The following MED12L variants were observed in gnomAD, a reference collection of about 807,000 sequenced individuals.
MED12L encodes mediator of RNA polymerase II transcription subunit 12-like protein.
A neutral mutation model predicts 281.3 loss-of-function variants in MED12L; 60 were observed. The observed-to-expected ratio is 0.21, with a 90% CI of 0.17 to 0.26. The LOEUF (loss-of-function observed/expected upper bound fraction) is 0.26. Among genes scored for constraint, MED12L ranks in the 10% least tolerant of loss-of-function variants. The probability of loss-of-function intolerance (pLI) is 1.00; values close to 1 mark genes in which losing one functional copy is unlikely to be tolerated. For missense variants in MED12L, 2,146 were observed against 2,680.9 expected (o/e 0.80, Z 4.41); for synonymous variants, 974 against 987.2 (o/e 0.99, Z 0.25).
intron 16 of MED12L, among the ~76,000 whole-genome samples, chr3:151,306,421 T>C (rs1366242734): frequency 6.6e-6 from 1 of 152,238 alleles, no homozygotes; most frequent in African/African-American, 2.4e-5. Flanking sequence ...GTTATAAAAC[T>C]GCTTTCGGTG....
At chr3:151,119,538 C>T (rs1369473741) in intron 3 of MED12L, among the ~76,000 whole-genome samples, 1 of 152,174 alleles carries the variant, frequency 6.6e-6, no homozygotes, top group Non-Finnish European at 1.5e-5. Flanking sequence ...CCTTATTTAA[C>T]ATTAATTACC....
chr3:151,409,254 G>A lies in MED12L; in HGVS notation c.5832G>A (p.Gly1944=). 1 of 1,599,470 alleles carries A rather than the reference G, an allele frequency of 6.3e-7. No individual in the cohort carries two copies. Among genetic ancestry groups the A allele is most frequent in the Admixed American group, 1.8e-5 (1 of 55,870 alleles). The change falls in exon 40 of 45, where the codon GGG becomes GGA. Residue 1944 remains glycine, a synonymous_variant. Transcript: ENST00000687756. ...QTRPFQQGQP[G]DQAALFAAQA... ...GCTTTGTTTTCCAGGGCCAGCCGGG[G>A]GACCAGGCTGCTCTCTTTGCTGCGC...
At chr3:151,274,674 C>T (rs1396689613) in intron 16 of MED12L, among the ~76,000 whole-genome samples, 1 of 152,150 alleles carries the variant, frequency 6.6e-6, no homozygotes, top group Non-Finnish European at 1.5e-5. Flanking sequence ...AGATTAGAAT[C>T]GTCTCCAAAT....
intron 16 of MED12L, among the ~76,000 whole-genome samples, chr3:151,237,153 C>G (rs1383734163): frequency 6.6e-6 from 1 of 150,674 alleles, no homozygotes; most frequent in African/African-American, 2.4e-5. Flanking sequence ...GCGATTCTGC[C>G]TCAGCCTCCA....
chr3:151,134,111 G>C (rs1447689504), intron 5 of MED12L, among the ~76,000 whole-genome samples: 1 of 151,902 alleles, frequency 6.6e-6, no homozygotes, highest in Non-Finnish European at 1.5e-5. Context: ...CTCCCGATGT[G>C]TGCTGGGTAA....
At chr3:151,247,568 CACA>C (rs1735859824) in intron 16 of MED12L, among the ~76,000 whole-genome samples, 1 of 140,950 alleles carries the variant, frequency 7.1e-6, no homozygotes, top group Non-Finnish European at 1.5e-5. Context: ...ACAATGAGAT[CACA>C]TGGACACAGG....
chr3:151,388,329 A>G (rs1223658050), intron 37 of MED12L, among the ~76,000 whole-genome samples, 157 bp downstream of exon 37: 2 of 152,298 alleles, frequency 1.3e-5, no homozygotes, highest in African/African-American at 4.8e-5. Flanking sequence ...ATGGCACACA[A>G]TGACTTGTCA....
intron 16 of MED12L, among the ~76,000 whole-genome samples, chr3:151,217,335 G>T (rs1422215909): frequency 6.6e-6 from 1 of 152,150 alleles, no homozygotes; most frequent in Admixed American, 6.5e-5. Context: ...TTCTGCATGT[G>T]ACCTAATGCT....
chr3:151,256,225 A>G (rs1387012059), intron 16 of MED12L, among the ~76,000 whole-genome samples: 1 of 152,240 alleles, frequency 6.6e-6, no homozygotes, highest in Non-Finnish European at 1.5e-5. Flanking sequence ...TTTTCAAATT[A>G]TAAATCTAAT....
intron 12 of MED12L, among the ~76,000 whole-genome samples, chr3:151,187,541 A>T (rs1232709051): frequency 6.6e-6 from 1 of 152,238 alleles, no homozygotes; most frequent in Non-Finnish European, 1.5e-5. Flanking sequence ...TCTTAACATA[A>T]TTAGTATCTT....
chr3:151,359,889 G>A (rs1754396397), intron 20 of MED12L, among the ~76,000 whole-genome samples: 1 of 152,058 alleles, frequency 6.6e-6, no homozygotes, highest in African/African-American at 2.4e-5. Context: ...AACTACAGGA[G>A]TTATACAGAA....
chr3:151,280,073 G>A (rs1342717168), intron 16 of MED12L, among the ~76,000 whole-genome samples: 1 of 152,226 alleles, frequency 6.6e-6, no homozygotes, highest in Non-Finnish European at 1.5e-5. Flanking sequence ...GACTGGAGCT[G>A]CTTGCTTGCC....
chr3:151,377,352 C>A (rs1009298464), intron 30 of MED12L, among the ~76,000 whole-genome samples, 174 bp downstream of exon 30: 1 of 152,106 alleles, frequency 6.6e-6, no homozygotes, highest in Non-Finnish European at 1.5e-5. Context: ...ATGATAGCTT[C>A]GGAATATTTG....
intron 4 of MED12L, among the ~76,000 whole-genome samples, chr3:151,124,745 A>G (rs1714253638): frequency 6.6e-6 from 1 of 152,220 alleles, no homozygotes; most frequent in Non-Finnish European, 1.5e-5. Flanking sequence ...CAGCGCGCCA[A>G]GGCGTTTATC....
At chr3:151,368,362 G>A (rs1310271292) in intron 25 of MED12L, 111 bp downstream of exon 25, 2 of 855,388 alleles carry the variant, frequency 2.3e-6, no homozygotes, top group Non-Finnish European at 3.8e-6. Context: ...TTTTGGGCAT[G>A]CCCTGGGGGT....
chr3:151,377,062 G>C lies in MED12L; in HGVS notation c.4200G>C (p.Gln1400His), dbSNP rs1560099619. Reference sequence around the variant, plus strand: ...CAAAGGCAACAATAGAGGTATTCCAGCAGTCTGCAGACCTAAATAATTCTT... The same window carrying C: ...CAAAGGCAACAATAGAGGTATTCCACCAGTCTGCAGACCTAAATAATTCTT... ...NIAKATIEVF[Q>H]QSADLNNSSN... The change falls in exon 30 of 45, where the codon CAG becomes CAC. Residue 1400 changes from glutamine (Q) to histidine (H), a missense_variant. Gln to His is a conservative substitution (Grantham distance 24). Transcript: ENST00000687756. 1 of 1,614,066 alleles carries C rather than the reference G, an allele frequency of 6.2e-7. No individual in the cohort carries two copies. Among genetic ancestry groups the C allele is most frequent in the South Asian group, 1.1e-5 (1 of 91,084 alleles).
intron 2 of MED12L, among the ~76,000 whole-genome samples, chr3:151,103,473 TGG>T (rs1051445495): frequency 6.6e-6 from 1 of 152,222 alleles, no homozygotes; most frequent in Non-Finnish European, 1.5e-5. Context: ...GAGGTTGTCA[TGG>T]GAAATTGGCA....
In MED12L at chr3:151,355,249, T is replaced by A; in HGVS notation, c.2517+10T>A. 3 of 1,572,744 alleles carry A rather than the reference T, an allele frequency of 1.9e-6. No homozygotes were observed. Among genetic ancestry groups the A allele is most frequent in the Non-Finnish European group, 2.6e-6 (3 of 1,146,148 alleles). On this transcript the variant is annotated intron_variant, in intron 18 of 44. Transcript: ENST00000687756. ...TCAAGTGACATCTCAGGTAGCTATTTAAAGCTGTTTATTATGCATTTGCAG... is the reference window on the plus strand; with the variant it reads ...TCAAGTGACATCTCAGGTAGCTATTAAAAGCTGTTTATTATGCATTTGCAG...
intron 5 of MED12L, among the ~76,000 whole-genome samples, chr3:151,141,178 G>GTTTGT (rs1553808456): frequency 9.8e-6 from 1 of 102,190 alleles, no homozygotes; most frequent in African/African-American, 4.3e-5. Context: ...TTTTTTTTTT[G>GTTTGT]TTTTTTTTGT....
Sources: allele counts gnomAD v4.1 joint callset (sites outside exome capture counted in the v4.1 genomes callset), GRCh38; gene constraint gnomAD v4.1.1; transcripts MANE v1.5; gene names NCBI Gene and HGNC (gene_info 2026-07-23, HGNC 2026-07-21).